Variants in ANAPC7 observed in about 807,000 individuals in gnomAD.
The protein encoded by ANAPC7 is anaphase promoting complex subunit 7.
Under a neutral mutation model 63.3 loss-of-function variants are expected in ANAPC7, and 25 were observed. That is an observed-to-expected ratio of 0.39 (90% CI 0.29 to 0.55). The LOEUF is 0.55. Ranked by LOEUF, ANAPC7 falls within the 20% of genes least tolerant of loss-of-function variation. The pLI, the probability that ANAPC7 is intolerant of heterozygous loss-of-function variation, is 0.57. For missense variants in ANAPC7, 516 were observed against 691.7 expected, an observed-to-expected ratio of 0.75 and a Z score of 2.85; for synonymous variants, 241 against 251.7, an observed-to-expected ratio of 0.96 and a Z score of 0.40.
chr12:110,394,058 C>T (rs1883341647), intron 3 of ANAPC7, among the ~76,000 whole-genome samples: 1 of 150,818 alleles, frequency 6.6e-6, no homozygotes, highest in African/African-American at 2.4e-5. Flanking sequence ...TGCCTGTAAT[C>T]CCAGCTACCC....
At chr12:110,383,025 G>A (rs188507486) in intron 6 of ANAPC7, 65 bp from the exon 7 acceptor site, 2 of 1,265,748 alleles carry the variant, frequency 1.6e-6, no homozygotes, top group East Asian at 2.4e-5. Flanking sequence ...CCACATACAG[G>A]AGTAGCACCC....
intron 5 of ANAPC7, chr12:110,387,241 G>GAC (rs1882550190): frequency 8.1e-6 from 1 of 122,784 alleles, no homozygotes; most frequent in African/African-American, 3.2e-5. Flanking sequence ...GAGAGAGACA[G>GAC]AGAGACAGAG....
rs1437289922 is a variant in ANAPC7, at chr12:110,403,652, C to G, written c.-25G>C. 6.4e-7 allele frequency: 1 copy of G among 1,574,598 alleles called. No individual in the cohort carries two copies. Among genetic ancestry groups the G allele is most frequent in the Non-Finnish European group, 8.6e-7 (1 of 1,159,662 alleles). ...TCCTGCTCTGCAAAGCCGCGGGCAG[C>G]GGCGGCAGCACTGACTCGAAAAGCC... On this transcript the variant is annotated 5_prime_UTR_variant, in exon 1 of 11. Coordinates refer to ENST00000455511, the MANE Select transcript of ANAPC7 (RefSeq NM_016238.3).
At chr12:110,383,082 C>T (rs1402508168) in intron 6 of ANAPC7, 122 bp from the exon 7 acceptor site, 2 of 641,920 alleles carry the variant, frequency 3.1e-6, no homozygotes, top group East Asian at 5.4e-5. Flanking sequence ...GGGGCTAAGC[C>T]CTTTCCACCA....
At position 110,395,146 on chromosome 12, in the gene ANAPC7, G is replaced by A; in HGVS notation, c.363C>T (p.Ala121=). The A allele has an allele frequency of 6.2e-7, 1 of 1,613,690 alleles. No individual in the cohort carries two copies. Among genetic ancestry groups the A allele is most frequent in the Non-Finnish European group, 8.5e-7 (1 of 1,179,802 alleles). The change falls in exon 3 of 11, where the codon GCC becomes GCT. Residue 121 remains alanine, a synonymous_variant. Transcript: ENST00000455511. ...CYTMLKQDKD[A]IAILDGIPSR... ...AAGGGATCCCATCAAGTATAGCAAT[G>A]GCATCTTTATCTTGTTTTAGCATTG...
chr12:110,375,320 A>C (rs1881165074), intron 10 of ANAPC7: 1 of 736,028 alleles, frequency 1.4e-6, no homozygotes, highest in African/African-American at 1.9e-5. Flanking sequence ...CAGCTCCCGA[A>C]ACATAGCATC....
chr12:110,390,918 G>C (rs746222719), intron 3 of ANAPC7, among the ~76,000 whole-genome samples: 1 of 152,126 alleles, frequency 6.6e-6, no homozygotes, highest in Non-Finnish European at 1.5e-5. Flanking sequence ...TTGGCCGGGC[G>C]CAGTGGTTCA....
chr12:110,393,894 C>T (rs1488005642), intron 3 of ANAPC7, among the ~76,000 whole-genome samples: 6 of 145,952 alleles, frequency 4.1e-5, no homozygotes, highest in Non-Finnish European at 4.5e-5. Flanking sequence ...AAAAAATAGC[C>T]GGACATGGTG....
chr12:110,398,139 G>A (rs2062170922), intron 1 of ANAPC7, among the ~76,000 whole-genome samples: 1 of 151,912 alleles, frequency 6.6e-6, no homozygotes, highest in African/African-American at 2.4e-5. Context: ...CCAGCTACCT[G>A]GGAGGCTGAG....
At chr12:110,377,834 T>C (rs1440242704) in intron 8 of ANAPC7, 3 of 1,413,930 alleles carry the variant, frequency 2.1e-6, no homozygotes, top group Non-Finnish European at 2.8e-6. Flanking sequence ...AAGACTGCCT[T>C]CAAAGGCACC....
intron 6 of ANAPC7, 121 bp downstream of exon 6, chr12:110,386,206 A>G (rs1349473727): frequency 1.4e-6 from 2 of 1,419,506 alleles, no homozygotes; most frequent in Admixed American, 4.2e-5. Flanking sequence ...AAAGACTAGT[A>G]TAAGTTTTAT....
intron 3 of ANAPC7, among the ~76,000 whole-genome samples, chr12:110,392,050 C>T (rs1378815553): frequency 7.3e-6 from 1 of 136,376 alleles, no homozygotes; most frequent in African/African-American, 2.9e-5. Flanking sequence ...CAAGATTGTG[C>T]CACTGCACTC....
intron 1 of ANAPC7, among the ~76,000 whole-genome samples, chr12:110,400,862 C>T (rs1299148324): frequency 6.7e-6 from 1 of 148,690 alleles, no homozygotes; most frequent in Non-Finnish European, 1.5e-5. Flanking sequence ...GCCTGGCCAA[C>T]ATGATGAAAC....
Position 110,376,122 on chromosome 12 carries a change from G to A in ANAPC7, c.1452C>T (p.Phe484=). The change falls in exon 10 of 11, where the codon TTC becomes TTT. Residue 484 remains phenylalanine (F), a synonymous_variant. Coordinates refer to ENST00000455511, the MANE Select transcript of ANAPC7 (RefSeq NM_016238.3). The part of the protein sequence containing the change: ...DCVLHRILGD[F]LVAVNEYQEA... The stretch of plus-strand genomic sequence containing the variant: ...CCTGATACTCATTGACAGCTACAAG[G>A]AAATCTCCTAGGATCCGATGCAGGA... 1 of 1,614,000 alleles carries A rather than the reference G, an allele frequency of 6.2e-7. No individual in the cohort carries two copies. The highest frequency in any genetic ancestry group is 8.5e-7 in the Non-Finnish European group (1 of 1,179,996).
At chr12:110,377,649 A>G (rs749160446) in intron 8 of ANAPC7, 32 bp from the exon 9 acceptor site, 3 of 1,613,624 alleles carry the variant, frequency 1.9e-6, no homozygotes, top group South Asian at 1.1e-5. Flanking sequence ...AAGACATTCA[A>G]TGCCATTACC....
chr12:110,394,025 A>G (rs942875968), intron 3 of ANAPC7, among the ~76,000 whole-genome samples: 1 of 149,506 alleles, frequency 6.7e-6, no homozygotes, highest in Admixed American at 6.7e-5. Flanking sequence ...ACAAAAAAAA[A>G]ATTAGCTGGG....
chr12:110,373,970 G>T lies in ANAPC7; in HGVS notation c.*174C>A. ...TGGAGATACATGGAAGGTTGGTCAG[G>T]CTCTGTTTTAGAAATGAAGTCACGA... On this transcript the variant is annotated 3_prime_UTR_variant, in exon 11 of 11. Transcript: ENST00000455511. 1.5e-6 allele frequency: 1 copy of T among 663,440 alleles called. No homozygotes were observed. 41.1% of individuals were successfully genotyped at this position (663,440 alleles called of 1,614,324 possible).
At chr12:110,384,876 G>A (rs1198786741) in intron 6 of ANAPC7, among the ~76,000 whole-genome samples, 5 of 152,138 alleles carry the variant, frequency 3.3e-5, no homozygotes, top group African/African-American at 1.2e-4. Flanking sequence ...TAGACCATCA[G>A]AAATACACTG....
At chr12:110,386,254 C>T (rs1488050538) in intron 6 of ANAPC7, 73 bp downstream of exon 6, 3 of 1,580,126 alleles carry the variant, frequency 1.9e-6, no homozygotes, top group African/African-American at 1.4e-5. Context: ...AGTATTAATG[C>T]TGCATATTCT....
Sources: allele counts gnomAD v4.1 joint callset (sites outside exome capture counted in the v4.1 genomes callset), GRCh38; gene constraint gnomAD v4.1.1; transcripts MANE v1.5; gene names NCBI Gene and HGNC (gene_info 2026-07-23, HGNC 2026-07-21).